The following GLI3 variants were observed in gnomAD, a reference collection of about 807,000 sequenced individuals.
GLI3 encodes the protein GLI family zinc finger 3, also known as transcription activator GLI3.
GLI3 carries 20 observed loss-of-function variants against 100.8 expected under a neutral mutation model. The ratio of observed to expected loss-of-function variants is 0.20; its 90% confidence interval spans 0.14 to 0.29. The LOEUF (loss-of-function observed/expected upper bound fraction) is 0.29. GLI3 is among the 10% of genes least tolerant of loss of function. GLI3 has a pLI of 1.00. For synonymous variants in GLI3, 938 were observed against 860.5 expected, an observed-to-expected ratio of 1.09 and a Z score of -1.58; for missense variants, 2,040 against 2,128.5, an observed-to-expected ratio of 0.96 and a Z score of 0.82.
At chr7:42,263,292 C>T (rs562432665) in intron 1 of GLI3, among the ~76,000 whole-genome samples, 2 of 152,266 alleles carry the variant, frequency 1.3e-5, no homozygotes, top group Admixed American at 1.3e-4. Context: ...AGTGCCTCCC[C>T]CTTGCCAGTG....
chr7:42,060,033 T>C (rs917246074), intron 4 of GLI3, among the ~76,000 whole-genome samples: 3 of 152,242 alleles, frequency 2.0e-5, no homozygotes, highest in Admixed American at 2.0e-4. Flanking sequence ...TTGGGTGAAC[T>C]AGATCCTTAA....
chr7:41,996,665 T>C (rs1479176352), intron 10 of GLI3, among the ~76,000 whole-genome samples: 1 of 152,206 alleles, frequency 6.6e-6, no homozygotes, highest in Non-Finnish European at 1.5e-5. Context: ...CAGTTCATAA[T>C]GCAGCATGAC....
rs1244239487 is a variant in GLI3, at chr7:42,000,956, AAGG to A, written c.1498-22211_1498-22209del. Among the ~76,000 whole-genome samples, 6 of 152,284 alleles carry A rather than the reference AAGG, an allele frequency of 3.9e-5. No individual in the cohort carries two copies. The East Asian group carries it at 9.7e-4, about 25-fold the overall frequency. The stretch of plus-strand genomic sequence containing the variant: ...CCATTAAAACATTTTAAGAAAAAAA[AAGG>A]AGGAGGGCCGGGAGCGGTGGCTCAT... On this transcript the variant is annotated intron_variant, in intron 10 of 14. Coordinates refer to ENST00000395925, the MANE Select transcript of GLI3 (RefSeq NM_000168.6).
intron 3 of GLI3, among the ~76,000 whole-genome samples, chr7:42,119,679 A>G (rs1177214329): frequency 6.6e-6 from 1 of 152,224 alleles, no homozygotes; most frequent in Non-Finnish European, 1.5e-5. Context: ...TAAAAATGCC[A>G]CAAGGGTGAC....
chr7:42,218,446 ATTACTT>A (rs1031672022), intron 2 of GLI3, among the ~76,000 whole-genome samples: 5 of 147,216 alleles, frequency 3.4e-5, no homozygotes, highest in East Asian at 4.7e-4. Flanking sequence ...GGTTTTTGTC[ATTACTT>A]TTAAAGGCAA....
chr7:42,161,544 A>G (rs1333526512), intron 2 of GLI3, among the ~76,000 whole-genome samples: 2 of 152,244 alleles, frequency 1.3e-5, no homozygotes, highest in South Asian at 2.1e-4. Flanking sequence ...GGTAACTATC[A>G]TCTCCACAGT....
At chr7:42,175,939 C>T (rs1290898512) in intron 2 of GLI3, among the ~76,000 whole-genome samples, 3 of 152,056 alleles carry the variant, frequency 2.0e-5, no homozygotes, top group Admixed American at 2.0e-4. Context: ...GGCCACACAG[C>T]AAAGCCAGAA....
At chr7:42,089,687 G>C (rs371562041) in intron 3 of GLI3, among the ~76,000 whole-genome samples, 1 of 152,078 alleles carries the variant, frequency 6.6e-6, no homozygotes, top group African/African-American at 2.4e-5. Context: ...ATTTAAAGAC[G>C]TATTTTCTAG....
At chr7:42,112,142 T>C (rs1217058190) in intron 3 of GLI3, among the ~76,000 whole-genome samples, 1 of 152,190 alleles carries the variant, frequency 6.6e-6, no homozygotes, top group Non-Finnish European at 1.5e-5. Context: ...CCGTCTATGA[T>C]AATATCATGG....
intron 1 of GLI3, among the ~76,000 whole-genome samples, chr7:42,245,009 T>C (rs78374137): frequency 0.057 from 8,607 of 152,274 alleles, 443 homozygotes; most frequent in African/African-American, 0.14. Flanking sequence ...GCAAGGAGAC[T>C]TGTGTTTCCC....
At chr7:42,262,197 T>TTTCCTTCCTTTTTTCC in intron 1 of GLI3, among the ~76,000 whole-genome samples, 1 of 33,614 alleles carries the variant, frequency 3.0e-5, no homozygotes, top group Non-Finnish European at 7.8e-5. Context: ...TTTTATTTTT[T>TTTCCTTCCTTTTTTCC]TTCCTTCCTT....
At chr7:42,083,013 T>C (rs1210058593) in intron 3 of GLI3, among the ~76,000 whole-genome samples, 1 of 152,218 alleles carries the variant, frequency 6.6e-6, no homozygotes, top group East Asian at 1.9e-4. Context: ...GGGGTATCCA[T>C]CACCTCAAGC....
chr7:41,979,466 A>G (rs2128713156), intron 10 of GLI3, among the ~76,000 whole-genome samples: 1 of 152,336 alleles, frequency 6.6e-6, no homozygotes, highest in African/African-American at 2.4e-5. Context: ...AAATTCTATT[A>G]ATACAGTTTT....
At chr7:42,061,827 T>C (rs1784574708) in intron 4 of GLI3, among the ~76,000 whole-genome samples, 1 of 152,194 alleles carries the variant, frequency 6.6e-6, no homozygotes, top group Admixed American at 6.6e-5. Context: ...CAGCATCAAC[T>C]TCTACATAAG....
At chr7:42,015,993 T>TA (rs1375222036) in intron 10 of GLI3, among the ~76,000 whole-genome samples, 1 of 152,092 alleles carries the variant, frequency 6.6e-6, no homozygotes, top group Non-Finnish European at 1.5e-5. Context: ...TGACAATGTC[T>TA]GGAAACAGTT....
chr7:41,975,431 G>A (rs555690695), intron 12 of GLI3, among the ~76,000 whole-genome samples: 1 of 152,314 alleles, frequency 6.6e-6, no homozygotes, highest in East Asian at 1.9e-4. Context: ...GTCTGAAAAT[G>A]TCCATCAGTC....
rs76064266 is a variant in GLI3 at position 42,137,818 on chromosome 7, T to C, written c.367+10408A>G. Among the ~76,000 whole-genome samples, 398 of 152,334 alleles carry C rather than the reference T, an allele frequency of 2.6e-3. 3 individuals carry two copies. The highest frequency in any genetic ancestry group is 8.8e-3 in the African/African-American group (365 of 41,570). On this transcript the variant is annotated intron_variant, in intron 3 of 14. Transcript: ENST00000395925. ...AGCTAAAATTGTTTCATGCATAAAA[T>C]TGTTTTAAAATACTACATAAAATCG... is the stretch of plus-strand genomic sequence containing the variant.
In GLI3 at chr7:42,026,246, C is replaced by G. The variant is rs750699810; in HGVS notation, c.1195G>C (p.Val399Leu). The G allele has an allele frequency of 1.2e-6, 2 of 1,613,778 alleles. No individual in the cohort carries two copies. Among genetic ancestry groups the G allele is most frequent in the African/African-American group, 2.7e-5 (2 of 74,888 alleles). ...GAGCTGACCTGGACGGGGTTCAGAA[C>G]CGTAGGGATCCCTGGAATAGGCCTC... ...TQRPIPGIPT[V>L]LNPVQVSSGP... The change falls in exon 8 of 15, where the codon GTT becomes CTT. Residue 399 changes from valine to leucine, a missense_variant. Val to Leu is a conservative substitution (Grantham distance 32, BLOSUM62 1). Transcript: ENST00000395925.
At chr7:41,978,355 C>T (rs888718930) in intron 11 of GLI3, among the ~76,000 whole-genome samples, 4 of 152,218 alleles carry the variant, frequency 2.6e-5, no homozygotes, top group Admixed American at 6.5e-5. Flanking sequence ...TGTTGGGCTG[C>T]GGCCAGCAGG....
Sources: gnomAD v4.1 joint callset for allele counts (sites outside exome capture counted in the v4.1 genomes callset) on GRCh38, gnomAD v4.1.1 for gene constraint, MANE v1.5 for transcripts, NCBI Gene and HGNC (gene_info 2026-07-23, HGNC 2026-07-21) for gene names.